The following DTD1 variants were observed in gnomAD, a reference collection of about 807,000 sequenced individuals.
DTD1 encodes the protein D-tyrosyl-tRNA deacylase 1 homolog.
A neutral mutation model predicts 25.6 loss-of-function variants in DTD1; 13 were observed. That is an observed-to-expected ratio of 0.51 (90% confidence interval 0.33 to 0.81). DTD1 has a LOEUF of 0.81. Among genes scored for constraint, DTD1 ranks in the 30% least tolerant of loss-of-function variants. The pLI is 0.02. For missense variants in DTD1, 193 were observed against 266.4 expected (o/e 0.72, Z 1.92); for synonymous variants, 110 against 103.6 (o/e 1.06, Z -0.37).
chr20:18,741,895 G>GTTTT (rs1568686876), intron 4 of DTD1, among the ~76,000 whole-genome samples: 1 of 116,762 alleles, frequency 8.6e-6, no homozygotes, highest in Non-Finnish European at 1.8e-5. Flanking sequence ...GCTAACCTTT[G>GTTTT]TATTTTTTTT....
intron 5 of DTD1, among the ~76,000 whole-genome samples, chr20:18,755,095 C>T (rs937413571): frequency 1.3e-5 from 2 of 152,190 alleles, no homozygotes; most frequent in Admixed American, 1.3e-4. Context: ...CCTTCCAGTT[C>T]TGTGTTTCTC....
rs191882555 is a variant in DTD1, at chr20:18,599,576, A to G, written c.370+3335A>G. Among the ~76,000 whole-genome samples, 161 of 152,346 alleles carry G rather than the reference A, an allele frequency of 1.1e-3. 1 individual carries two copies. The highest frequency in any genetic ancestry group is 3.5e-3 in the African/African-American group (144 of 41,586). On this transcript the variant is annotated intron_variant, in intron 3 of 5. Coordinates refer to ENST00000377452, the MANE Select transcript of DTD1 (RefSeq NM_080820.6). ...TGCTGGACTTAATAAGAGTATGTTT[A>G]GTTTGTTAAGAAGCTGCCAAACTGT...
Position 18,596,228 on chromosome 20 carries a change from G to A in DTD1, c.357G>A (p.Pro119=), listed in dbSNP as rs1003993271. The change falls in exon 3 of 6, where the codon CCG becomes CCA. Residue 119 remains proline (P), a synonymous_variant. Coordinates refer to ENST00000377452, the MANE Select transcript of DTD1 (RefSeq NM_080820.6). ...AGCAGCTGCGTAAAACATACAGGCCGGAGCTTATCAAAGGTAAGCAGGAGA... is the reference window on the plus strand; with the variant it reads ...AGCAGCTGCGTAAAACATACAGGCCAGAGCTTATCAAAGGTAAGCAGGAGA... The part of the protein sequence containing the change: ...FLEQLRKTYR[P]ELIKDGKFGA... 8 of 1,613,698 alleles carry A rather than the reference G, an allele frequency of 5.0e-6. No homozygotes were observed. The highest frequency in any genetic ancestry group is 2.2e-5 in the East Asian group (1 of 44,894).
At chr20:18,753,607 CAAAAA>C (rs58081760) in intron 5 of DTD1, among the ~76,000 whole-genome samples, 1 of 65,340 alleles carries the variant, frequency 1.5e-5, no homozygotes. Flanking sequence ...AACTCTGTCT[CAAAAA>C]AAAAAAAAAA....
chr20:18,696,434 G>C (rs2061076974), intron 4 of DTD1, among the ~76,000 whole-genome samples: 1 of 152,158 alleles, frequency 6.6e-6, no homozygotes, highest in Non-Finnish European at 1.5e-5. Flanking sequence ...CCTAGACTGG[G>C]GGTCCTGCGG....
chr20:18,732,340 A>G (rs1360063789), intron 4 of DTD1, among the ~76,000 whole-genome samples: 3 of 152,238 alleles, frequency 2.0e-5, no homozygotes, highest in Admixed American at 6.5e-5. Flanking sequence ...AAACTCTGTT[A>G]CAGTTCATGA....
chr20:18,597,783 C>A (rs558544341), intron 3 of DTD1, among the ~76,000 whole-genome samples: 40 of 152,242 alleles, frequency 2.6e-4, no homozygotes, highest in African/African-American at 7.9e-4. Context: ...TTATCAATTT[C>A]TGTGGTCACC....
In DTD1 at chr20:18,733,599, A is replaced by G. The variant is rs146699937; in HGVS notation, c.478-10501A>G. Reference sequence around the variant, plus strand: ...CCACCATGTCCCCTTGCAGGGAAGGAGTAGACCAAAGAGACTTAGCTAAGT... The same window carrying G: ...CCACCATGTCCCCTTGCAGGGAAGGGGTAGACCAAAGAGACTTAGCTAAGT... On this transcript the variant is annotated intron_variant, in intron 4 of 5. Coordinates refer to ENST00000377452, the MANE Select transcript of DTD1 (RefSeq NM_080820.6). Among the ~76,000 whole-genome samples, 1,185 of 152,378 alleles carry G rather than the reference A, an allele frequency of 7.8e-3. 7 individuals carry two copies. The highest frequency in any genetic ancestry group is 0.012 in the Non-Finnish European group (847 of 68,038).
At chr20:18,622,063 C>CAA (rs11481961) in intron 3 of DTD1, among the ~76,000 whole-genome samples, 25 of 142,640 alleles carry the variant, frequency 1.8e-4, no homozygotes, top group Admixed American at 4.2e-4. Context: ...GACTCTGTCT[C>CAA]AAAAAAAAAA....
intron 4 of DTD1, among the ~76,000 whole-genome samples, chr20:18,715,411 C>T (rs919185451): frequency 6.6e-6 from 1 of 152,114 alleles, no homozygotes; most frequent in Non-Finnish European, 1.5e-5. Flanking sequence ...TTTGAAGGCT[C>T]CCTGTAAGCT....
Position 18,730,985 on chromosome 20 carries a change from T to G in DTD1, c.478-13115T>G, listed in dbSNP as rs533059201. On this transcript the variant is annotated intron_variant, in intron 4 of 5. Coordinates refer to ENST00000377452, the MANE Select transcript of DTD1 (RefSeq NM_080820.6). ...TCCATTCCTCTGTTGTCATGCAGTC[T>G]TTTATTCACCCAACATATAGTTTGT... 9.2e-5 allele frequency among the ~76,000 whole-genome samples: 14 copies of G among 152,326 alleles called. No individual in the cohort carries two copies. The East Asian group carries it at 2.7e-3, about 29-fold the overall frequency.
chr20:18,747,808 C>G (rs1259065694), intron 5 of DTD1, among the ~76,000 whole-genome samples: 1 of 149,424 alleles, frequency 6.7e-6, no homozygotes, highest in African/African-American at 2.5e-5. Flanking sequence ...GTCAAGAGAT[C>G]GAGACCATCT....
chr20:18,725,488 C>T (rs1434694739), intron 4 of DTD1, among the ~76,000 whole-genome samples: 1 of 150,908 alleles, frequency 6.6e-6, no homozygotes, highest in Non-Finnish European at 1.5e-5. Context: ...GCTTTAGCCT[C>T]TGTCCTGATG....
intron 4 of DTD1, among the ~76,000 whole-genome samples, chr20:18,676,922 G>A (rs776428403): frequency 6.6e-6 from 1 of 152,148 alleles, no homozygotes; most frequent in Non-Finnish European, 1.5e-5. Flanking sequence ...AAGGAGAAAG[G>A]AACTCACATT....
intron 4 of DTD1, among the ~76,000 whole-genome samples, chr20:18,667,931 C>G (rs545390553): frequency 1.3e-5 from 2 of 152,180 alleles, no homozygotes; most frequent in African/African-American, 4.8e-5. Flanking sequence ...GAATGACTTG[C>G]GTATCCCAAA....
intron 4 of DTD1, among the ~76,000 whole-genome samples, chr20:18,711,045 T>C (rs76063082): frequency 0.012 from 1,753 of 152,288 alleles, 29 homozygotes; most frequent in African/African-American, 0.039. Flanking sequence ...ATTTCTTAGG[T>C]GAGTCTGGAG....
intron 3 of DTD1, among the ~76,000 whole-genome samples, chr20:18,622,942 A>ATTTTTTTTTTTTTT (rs771564529): frequency 0.072 from 9,264 of 128,452 alleles, 660 homozygotes; most frequent in South Asian, 0.095. Flanking sequence ...ATTTTATAGA[A>ATTTTTTTTTTTTTT]TTTTTTTTTT....
chr20:18,648,022 A>G (rs895268474), intron 4 of DTD1, among the ~76,000 whole-genome samples: 1 of 152,218 alleles, frequency 6.6e-6, no homozygotes, highest in African/African-American at 2.4e-5. Flanking sequence ...TTGGCCCTGC[A>G]GGACCAGTTG....
At chr20:18,679,114 A>T (rs1339582008) in intron 4 of DTD1, 2 of 152,210 alleles carry the variant, frequency 1.3e-5, no homozygotes, top group Non-Finnish European at 2.9e-5. Context: ...TGAGCCAGCA[A>T]CTTATTTCTG....
Sources: gnomAD v4.1 joint callset for allele counts (sites outside exome capture counted in the v4.1 genomes callset) on GRCh38, gnomAD v4.1.1 for gene constraint, MANE v1.5 for transcripts, NCBI Gene and HGNC (gene_info 2026-07-23, HGNC 2026-07-21) for gene names.